Variants in MTAP observed in about 807,000 individuals in gnomAD.
MTAP encodes the protein S-methyl-5'-thioadenosine phosphorylase.
MTAP carries 33 observed loss-of-function variants against 33.6 expected under a neutral mutation model. The observed-to-expected ratio is 0.98, with a 90% confidence interval of 0.74 to 1.31. The LOEUF is 1.31. Among genes scored for constraint, MTAP ranks in the 40% most tolerant of loss-of-function variants. The pLI, the probability that MTAP is intolerant of heterozygous loss-of-function variation, is 0.00. For missense variants in MTAP, 367 were observed against 360.0 expected, an observed-to-expected ratio of 1.02 and a Z score of -0.16; for synonymous variants, 148 against 125.7, an observed-to-expected ratio of 1.18 and a Z score of -1.19.
At chr9:21,825,788 T>C (rs764075819) in intron 4 of MTAP, among the ~76,000 whole-genome samples, 1 of 152,188 alleles carries the variant, frequency 6.6e-6, no homozygotes, top group Non-Finnish European at 1.5e-5. Context: ...CTAGAATGAT[T>C]CATGAATGCA....
intron 1 of MTAP, among the ~76,000 whole-genome samples, chr9:21,921,447 T>G (rs1472799213): frequency 6.6e-6 from 1 of 152,224 alleles, no homozygotes; most frequent in Non-Finnish European, 1.5e-5. Flanking sequence ...TTTTGTTTTG[T>G]TCTCTTTTCT....
intron 1 of MTAP, among the ~76,000 whole-genome samples, chr9:21,882,643 A>G (rs1439437488): frequency 1.3e-5 from 2 of 152,050 alleles, no homozygotes; most frequent in African/African-American, 2.4e-5. Flanking sequence ...TTGATTAAGT[A>G]AACGTTTTAT....
At chr9:21,818,350 C>T (rs528728817) in intron 4 of MTAP, 148 bp downstream of exon 4, 164 of 591,696 alleles carry the variant, frequency 2.8e-4, no homozygotes, top group Non-Finnish European at 3.6e-4. Flanking sequence ...TTTTTGGAGA[C>T]GGAGCCTCAC....
chr9:21,930,572 G>T (rs2811715), intron 1 of MTAP: 215,176 of 318,074 alleles, frequency 0.68, 78,698 homozygotes, highest in Non-Finnish European at 0.8. Context: ...CTAAACTGCC[G>T]GAATCTCAAA....
intron 1 of MTAP, chr9:21,803,299 T>G (rs1824113950): frequency 4.7e-6 from 1 of 214,586 alleles, no homozygotes; most frequent in South Asian, 1.8e-4. Context: ...ACTGCTTACT[T>G]GCTCTTTTGT....
chr9:21,911,870 T>C lies in MTAP; in HGVS notation c.148-19138T>C, dbSNP rs143041326. ...GGTTTTTTGAAAAGATCAACAAAAT[T>C]GATGGACCACTAGCAAGACTGATAA... On this transcript the variant is annotated intron_variant, in intron 1 of 1. Transcript: ENST00000577563. Among the ~76,000 whole-genome samples, 582 of 151,972 alleles carry C rather than the reference T, an allele frequency of 3.8e-3. 7 individuals are homozygous for C. Among genetic ancestry groups the C allele is most frequent in the African/African-American group, 0.013 (518 of 41,434 alleles).
At chr9:21,832,852 G>A (rs1256797211) in intron 4 of MTAP, among the ~76,000 whole-genome samples, 1 of 152,108 alleles carries the variant, frequency 6.6e-6, no homozygotes, top group Admixed American at 6.6e-5. Context: ...CTATGTTTCT[G>A]GCACTGCTTA....
chr9:21,842,092 G>A (rs977726698), intron 5 of MTAP, among the ~76,000 whole-genome samples: 2 of 152,106 alleles, frequency 1.3e-5, no homozygotes, highest in Admixed American at 1.3e-4. Context: ...ATAAATCACA[G>A]CTTCAGGAAA....
rs898377741 is a variant in MTAP at position 21,862,504 on chromosome 9, T to C, written c.*490T>C. On this transcript the variant is annotated 3_prime_UTR_variant, in exon 8 of 8. Coordinates refer to ENST00000644715, the MANE Select transcript of MTAP (RefSeq NM_002451.4). ...GGAACTCTACATCTAGCAATTTCTCTTTAAAACCATATCAGAGATGCATAC... is the reference window on the plus strand; with the variant it reads ...GGAACTCTACATCTAGCAATTTCTCCTTAAAACCATATCAGAGATGCATAC... 6.5e-6 allele frequency: 1 copy of C among 152,802 alleles called. No homozygotes were observed. Among genetic ancestry groups the C allele is most frequent in the African/African-American group, 2.4e-5 (1 of 41,450 alleles). The allele number at this position is 152,802 out of a possible 1,614,324, so 9.5% of individuals were successfully genotyped here. A position where few individuals can be genotyped will look rare whatever the true frequency, so the allele number is the denominator to read the frequency against.
chr9:21,840,626 G>A (rs919591389), intron 5 of MTAP, among the ~76,000 whole-genome samples: 7 of 152,208 alleles, frequency 4.6e-5, no homozygotes, highest in Admixed American at 3.3e-4. Context: ...AGGGAAGCCA[G>A]CCCTGACTAT....
chr9:21,832,545 A>T (rs950980332), intron 4 of MTAP, among the ~76,000 whole-genome samples: 4 of 152,192 alleles, frequency 2.6e-5, no homozygotes, highest in Non-Finnish European at 5.9e-5. Context: ...ACTTAAGCAT[A>T]AACTCTTCAC....
chr9:21,802,880 G>T lies in MTAP; in HGVS notation c.33+99G>T, dbSNP rs746259971. The T allele has an allele frequency of 2.6e-6, 4 of 1,521,568 alleles. No homozygotes were observed. The South Asian group carries it at 3.7e-5, about 14-fold the overall frequency. 94.3% of individuals were successfully genotyped at this position (1,521,568 alleles called of 1,614,324 possible). On this transcript the variant is annotated intron_variant, in intron 1 of 7. Coordinates refer to ENST00000644715, the MANE Select transcript of MTAP (RefSeq NM_002451.4). ...CCTCCGGGGGCCATGCGCCCGGCCC[G>T]TGCGTCCCTTGCCGCCGCGGGGAGG... is the stretch of plus-strand genomic sequence containing the variant.
At chr9:21,912,267 C>G (rs1818591348) in intron 1 of MTAP, among the ~76,000 whole-genome samples, 1 of 152,202 alleles carries the variant, frequency 6.6e-6, no homozygotes, top group Non-Finnish European at 1.5e-5. Context: ...AGGGAATCCT[C>G]CCTAACTCAT....
Position 21,924,262 on chromosome 9 carries a change from A to T in MTAP, c.148-6746A>T, listed in dbSNP as rs1440110346. On this transcript the variant is annotated intron_variant, in intron 1 of 1. Coordinates refer to the MTAP transcript ENST00000577563. Reference sequence around the variant, plus strand: ...TTTTTCTCCTTTGTTGTATCTTCACAGATGGGTAATCACATCTCCCTACTA... The same window carrying T: ...TTTTTCTCCTTTGTTGTATCTTCACTGATGGGTAATCACATCTCCCTACTA... Among the ~76,000 whole-genome samples, 3 of 152,330 alleles carry T rather than the reference A, an allele frequency of 2.0e-5. No homozygotes were observed. In the East Asian group the frequency reaches 5.8e-4, roughly 29 times the overall value.
chr9:21,806,693 C>G (rs567114621), intron 1 of MTAP, among the ~76,000 whole-genome samples: 1 of 152,236 alleles, frequency 6.6e-6, no homozygotes, highest in Admixed American at 6.5e-5. Context: ...TTAACACTGC[C>G]ATTGTCTGAG....
chr9:21,911,663 C>T (rs1818579172), intron 1 of MTAP, among the ~76,000 whole-genome samples: 1 of 151,836 alleles, frequency 6.6e-6, no homozygotes, highest in Admixed American at 6.6e-5. Flanking sequence ...GCTGAATGCC[C>T]ACAAGAGAAA....
chr9:21,929,198 C>A (rs1818914655), intron 1 of MTAP, among the ~76,000 whole-genome samples: 1 of 152,130 alleles, frequency 6.6e-6, no homozygotes, highest in South Asian at 2.1e-4. Context: ...ACACCAGAGC[C>A]AGAACCAACA....
chr9:21,862,369 G>A lies in MTAP; in HGVS notation c.*355G>A, dbSNP rs1825771530. 1 of 185,332 alleles carries A rather than the reference G, an allele frequency of 5.4e-6. No homozygotes were observed. The highest frequency in any genetic ancestry group is 2.4e-5 in the African/African-American group (1 of 42,506). 11.5% of individuals were successfully genotyped at this position (185,332 alleles called of 1,614,324 possible). On this transcript the variant is annotated 3_prime_UTR_variant, in exon 8 of 8. Transcript: ENST00000644715. ...CTGCCAAAGAATGTGAGGAAGAAAT[G>A]GGACTCTTTGGTTATTTATTGATGC...
At chr9:21,837,866 T>TA (rs1307813852) in intron 4 of MTAP, 42 bp from the exon 5 acceptor site, 1 of 1,560,970 alleles carries the variant, frequency 6.4e-7, no homozygotes, top group South Asian at 1.1e-5. Flanking sequence ...AAGATGGCCT[T>TA]AAAATAAAAC....
Sources: gnomAD v4.1 joint callset for allele counts (sites outside exome capture counted in the v4.1 genomes callset) on GRCh38, gnomAD v4.1.1 for gene constraint, MANE v1.5 for transcripts, NCBI Gene and HGNC (gene_info 2026-07-23, HGNC 2026-07-21) for gene names.